Variants in NLGN1 observed in about 807,000 individuals in gnomAD.
The protein encoded by NLGN1 is neuroligin-1.
In NLGN1, 12 loss-of-function variants were observed where a neutral mutation model predicts 65.5. The observed-to-expected ratio is 0.18, with a 90% confidence interval of 0.12 to 0.30. NLGN1 has a LOEUF of 0.30. Among genes scored for constraint, NLGN1 ranks in the 10% least tolerant of loss-of-function variants. The pLI, the probability that NLGN1 is intolerant of heterozygous loss-of-function variation, is 1.00. For synonymous variants in NLGN1, 350 were observed against 359.5 expected (o/e 0.97, Z 0.30); for missense variants, 750 against 1,007.1 (o/e 0.74, Z 3.46).
chr3:173,633,714 A>T (rs924659), intron 3 of NLGN1, among the ~76,000 whole-genome samples: 59,640 of 152,032 alleles, frequency 0.39, 12,908 homozygotes, highest in African/African-American at 0.59. Context: ...AAGAAAATAA[A>T]TTCTGGTGAA....
At chr3:173,927,691 A>G (rs1249944804) in intron 4 of NLGN1, among the ~76,000 whole-genome samples, 1 of 152,096 alleles carries the variant, frequency 6.6e-6, no homozygotes, top group Non-Finnish European at 1.5e-5. Flanking sequence ...CAAGGGGGAC[A>G]TTGTTCTCCC....
At chr3:174,138,113 A>C (rs917654211) in intron 4 of NLGN1, among the ~76,000 whole-genome samples, 1 of 152,348 alleles carries the variant, frequency 6.6e-6, no homozygotes, top group East Asian at 1.9e-4. Context: ...ATAATGTTTT[A>C]GATGAACTGT....
chr3:174,136,895 C>T (rs1721322495), intron 4 of NLGN1, among the ~76,000 whole-genome samples: 1 of 152,012 alleles, frequency 6.6e-6, no homozygotes, highest in African/African-American at 2.4e-5. Flanking sequence ...GGTTGCATTT[C>T]AATAATGCCA....
chr3:173,814,946 C>A (rs1367593481), intron 4 of NLGN1, among the ~76,000 whole-genome samples: 5 of 151,984 alleles, frequency 3.3e-5, no homozygotes, highest in Non-Finnish European at 5.9e-5. Context: ...GAGCAGTTTC[C>A]CTGAGGAGGT....
intron 2 of NLGN1, among the ~76,000 whole-genome samples, chr3:173,596,884 A>G (rs1406280262): frequency 6.6e-6 from 1 of 152,174 alleles, no homozygotes; most frequent in African/African-American, 2.4e-5. Context: ...TCTGTTCAAC[A>G]TTAGGATTAC....
At chr3:173,449,586 G>T (rs1249216160) in intron 2 of NLGN1, among the ~76,000 whole-genome samples, 1 of 152,144 alleles carries the variant, frequency 6.6e-6, no homozygotes, top group East Asian at 1.9e-4. Flanking sequence ...GGTCCGCTTG[G>T]TGCAGAGCTG....
intron 4 of NLGN1, among the ~76,000 whole-genome samples, chr3:173,884,705 A>C (rs1733998247): frequency 6.6e-6 from 1 of 152,178 alleles, no homozygotes; most frequent in South Asian, 2.1e-4. Flanking sequence ...TCAGATGAAC[A>C]CATCTGTAAT....
intron 4 of NLGN1, among the ~76,000 whole-genome samples, chr3:173,940,625 G>C (rs913148849): frequency 2.6e-5 from 4 of 152,192 alleles, no homozygotes; most frequent in African/African-American, 7.2e-5. Context: ...AAGAATGAAG[G>C]AGTCTGACCC....
intron 2 of NLGN1, among the ~76,000 whole-genome samples, chr3:173,555,357 T>C (rs568231334): frequency 4.6e-5 from 7 of 152,372 alleles, no homozygotes; most frequent in African/African-American, 1.7e-4. Context: ...GAATCTTTCT[T>C]ATGTGGTTCC....
At chr3:173,466,517 C>T (rs944455101) in intron 2 of NLGN1, among the ~76,000 whole-genome samples, 1 of 152,086 alleles carries the variant, frequency 6.6e-6, no homozygotes, top group Admixed American at 6.6e-5. Flanking sequence ...TGCAACAGAG[C>T]GCTGGTACTG....
chr3:174,076,735 G>T (rs1741078700), intron 4 of NLGN1, among the ~76,000 whole-genome samples: 1 of 149,914 alleles, frequency 6.7e-6, no homozygotes, highest in Non-Finnish European at 1.5e-5. Context: ...GTGTGTGTGT[G>T]TGTGTGTGTG....
intron 3 of NLGN1, among the ~76,000 whole-genome samples, chr3:173,782,355 T>C (rs1265522867): frequency 6.6e-6 from 1 of 152,082 alleles, no homozygotes; most frequent in Non-Finnish European, 1.5e-5. Flanking sequence ...GTAATGTAAA[T>C]ATAGTAAAAC....
chr3:174,285,433 CA>C (rs1352466417), exon 7 of NLGN1: 1 of 151,380 alleles, frequency 6.6e-6, no homozygotes, highest in Non-Finnish European at 1.5e-5. Flanking sequence ...ATTTTGTTAT[CA>C]TTCATTTGAT....
intron 4 of NLGN1, among the ~76,000 whole-genome samples, chr3:173,919,449 A>C (rs1741484523): frequency 6.6e-6 from 1 of 152,202 alleles, no homozygotes; most frequent in Non-Finnish European, 1.5e-5. Flanking sequence ...ATTTCATTAA[A>C]TTGTCTAAGC....
intron 4 of NLGN1, among the ~76,000 whole-genome samples, chr3:174,215,287 C>G (rs934624190): frequency 1.3e-5 from 2 of 152,162 alleles, no homozygotes; most frequent in African/African-American, 4.8e-5. Flanking sequence ...ATATAGGCCT[C>G]TGGTATGCTC....
At chr3:173,996,396 C>T (rs1187749666) in intron 4 of NLGN1, among the ~76,000 whole-genome samples, 2 of 152,158 alleles carry the variant, frequency 1.3e-5, no homozygotes, top group East Asian at 3.9e-4. Context: ...AGTTTCTGAA[C>T]CAGTTAGTCT....
chr3:173,462,675 GCAACAAT>G (rs1723604380), intron 2 of NLGN1, among the ~76,000 whole-genome samples: 1 of 152,014 alleles, frequency 6.6e-6, no homozygotes, highest in Non-Finnish European at 1.5e-5. Context: ...TCATATCAGT[GCAACAAT>G]CTTCTATTGC....
chr3:174,147,372 C>T (rs1004042969), intron 4 of NLGN1, among the ~76,000 whole-genome samples: 13 of 130,366 alleles, frequency 1.0e-4, no homozygotes, highest in Non-Finnish European at 1.9e-4. Context: ...TGCTTCTGAT[C>T]TTGCAAAGGG....
intron 2 of NLGN1, among the ~76,000 whole-genome samples, chr3:173,571,149 T>C (rs559899785): frequency 3.3e-5 from 5 of 152,342 alleles, no homozygotes; most frequent in African/African-American, 1.2e-4. Context: ...GACCTGGAGT[T>C]CAAAGGTTGG....
Sources: allele counts gnomAD v4.1 joint callset (sites outside exome capture counted in the v4.1 genomes callset), GRCh38; gene constraint gnomAD v4.1.1; transcripts MANE v1.5; gene names NCBI Gene and HGNC (gene_info 2026-07-23, HGNC 2026-07-21).